Variants in SORL1 observed in about 807,000 individuals in gnomAD.
SORL1 encodes the protein sortilin related receptor 1.
In SORL1, 127 loss-of-function variants were observed where a neutral mutation model predicts 273.7. The observed-to-expected ratio is 0.46, with a 90% CI of 0.40 to 0.54. The LOEUF (loss-of-function observed/expected upper bound fraction) is 0.54. SORL1 is among the 20% of genes least tolerant of loss of function. The probability of loss-of-function intolerance (pLI) is 0.00; values close to 1 mark genes in which losing one functional copy is unlikely to be tolerated. For missense variants in SORL1, 2,494 were observed against 2,846.1 expected (o/e 0.88, Z 2.81); for synonymous variants, 1,031 against 1,067.4 (o/e 0.97, Z 0.66).
At chr11:121,548,545 A>T (rs1265549567) in intron 14 of SORL1, among the ~76,000 whole-genome samples, 1 of 152,156 alleles carries the variant, frequency 6.6e-6, no homozygotes, top group Non-Finnish European at 1.5e-5. Flanking sequence ...GAAATGTTTA[A>T]TGAATATTTG....
intron 16 of SORL1, among the ~76,000 whole-genome samples, chr11:121,551,288 C>T (rs1862504123): frequency 1.3e-5 from 2 of 152,198 alleles, no homozygotes; most frequent in Admixed American, 1.3e-4. Flanking sequence ...CCATGCTCTT[C>T]ATTGGACATT....
intron 11 of SORL1, among the ~76,000 whole-genome samples, chr11:121,526,558 CAT>C (rs1862126903): frequency 6.6e-6 from 1 of 152,232 alleles, no homozygotes; most frequent in East Asian, 1.9e-4. Context: ...GGAGAATCGA[CAT>C]GTTAATACTA....
chr11:121,585,964 G>A (rs1464171703), intron 26 of SORL1, among the ~76,000 whole-genome samples: 2 of 152,212 alleles, frequency 1.3e-5, no homozygotes, highest in Non-Finnish European at 2.9e-5. Context: ...AAACAGTGTT[G>A]TAATGCAACC....
intron 3 of SORL1, among the ~76,000 whole-genome samples, chr11:121,483,257 T>C (rs1338146656): frequency 1.3e-5 from 2 of 152,162 alleles, no homozygotes; most frequent in Non-Finnish European, 2.9e-5. Flanking sequence ...CTGGGGCTTT[T>C]TAAAAAAGGA....
intron 8 of SORL1, among the ~76,000 whole-genome samples, chr11:121,518,717 G>A (rs748817056): frequency 3.9e-5 from 6 of 152,122 alleles, no homozygotes; most frequent in Non-Finnish European, 7.4e-5. Flanking sequence ...CATTTCATTC[G>A]GCACTCTGCT....
At chr11:121,625,941 C>T (rs191725990) in intron 46 of SORL1, among the ~76,000 whole-genome samples, 1 of 152,258 alleles carries the variant, frequency 6.6e-6, no homozygotes, top group East Asian at 1.9e-4. Flanking sequence ...AAGCCAAAAT[C>T]TTGTGTTAGA....
chr11:121,496,866 C>A lies in SORL1; in HGVS notation c.759-3C>A. On this transcript the variant is annotated splice_polypyrimidine_tract_variant and splice_region_variant and intron_variant, in intron 5 of 47. Coordinates refer to ENST00000260197, the MANE Select transcript of SORL1 (RefSeq NM_003105.6). The stretch of plus-strand genomic sequence containing the variant: ...TAACAACCTTTTTTTTTTTTTCTGC[C>A]AGGGGAATTGATCCCTATGACAAAC... 1.3e-6 allele frequency: 2 copies of A among 1,566,728 alleles called. No homozygotes were observed. Among genetic ancestry groups the A allele is most frequent in the South Asian group, 1.2e-5 (1 of 84,430 alleles).
intron 4 of SORL1, 103 bp downstream of exon 4, chr11:121,488,296 C>A: frequency 8.8e-7 from 1 of 1,136,716 alleles, no homozygotes; most frequent in Non-Finnish European, 1.3e-6. Context: ...CTGCCTCTCC[C>A]TCCTTCTCTC....
intron 25 of SORL1, among the ~76,000 whole-genome samples, chr11:121,578,260 G>GT (rs1862966118): frequency 6.6e-6 from 1 of 152,180 alleles, no homozygotes; most frequent in East Asian, 1.9e-4. Context: ...GGACAGATCT[G>GT]TTTTTACACT....
intron 43 of SORL1, 110 bp downstream of exon 43, chr11:121,620,027 G>C (rs1565357268): frequency 1.2e-6 from 1 of 848,696 alleles, no homozygotes; most frequent in East Asian, 2.5e-5. Flanking sequence ...CTGGTTTCTG[G>C]CGCTCAGCAG....
At chr11:121,577,830 A>G (rs1862958861) in intron 25 of SORL1, among the ~76,000 whole-genome samples, 1 of 152,234 alleles carries the variant, frequency 6.6e-6, no homozygotes, top group African/African-American at 2.4e-5. Flanking sequence ...TTTTATTAAA[A>G]GTAAAGATGG....
intron 18 of SORL1, 42 bp from the exon 19 acceptor site, chr11:121,557,272 G>A: frequency 7.0e-7 from 1 of 1,427,532 alleles, no homozygotes; most frequent in Non-Finnish European, 9.9e-7. Context: ...TCTTTAAGGA[G>A]CTCCGATCCA....
chr11:121,485,360 A>G (rs1448028250), intron 3 of SORL1, among the ~76,000 whole-genome samples: 1 of 152,200 alleles, frequency 6.6e-6, no homozygotes, highest in Non-Finnish European at 1.5e-5. Flanking sequence ...AGATGTGAAC[A>G]TGTGAACCAG....
At chr11:121,495,172 T>A (rs1312761105) in intron 5 of SORL1, among the ~76,000 whole-genome samples, 2 of 152,148 alleles carry the variant, frequency 1.3e-5, no homozygotes, top group Non-Finnish European at 2.9e-5. Flanking sequence ...AGCCTCAAAC[T>A]TCCAGGCTTC....
intron 32 of SORL1, among the ~76,000 whole-genome samples, chr11:121,598,606 G>A (rs747912736): frequency 9.9e-5 from 15 of 152,194 alleles, no homozygotes; most frequent in Non-Finnish European, 2.1e-4. Context: ...ATCTTCGCTT[G>A]CCTGTTGCAA....
chr11:121,618,821 C>T lies in SORL1; in HGVS notation c.5652C>T (p.Asn1884=). ...CGTCCTTTCTTGACCTCTATCGCAA[C>T]CCGAAGAGCTTGACTACTTCACTCC... ...YATSFLDLYR[N]PKSLTTSLHN... The change falls in exon 42 of 48, where the codon AAC becomes AAT. Residue 1884 remains asparagine (N), a synonymous_variant. Coordinates refer to ENST00000260197, the MANE Select transcript of SORL1 (RefSeq NM_003105.6). 6.2e-7 allele frequency: 1 copy of T among 1,614,076 alleles called. No homozygotes were observed. The highest frequency in any genetic ancestry group is 1.3e-5 in the African/African-American group (1 of 75,030).
chr11:121,452,972 G>A lies in SORL1; in HGVS notation c.285+356G>A. On this transcript the variant is annotated intron_variant, in intron 1 of 47. Transcript: ENST00000260197. The surrounding 1 kb of genome is among the most constrained non-coding windows in gnomAD (Gnocchi z 5.3). ...AGTGTATCATCAGTTGGCAGTGGAG[G>A]CGAGCACCCTGCAGTTGCGGTACAC... The A allele has an allele frequency of 4.7e-6, 1 of 214,394 alleles. No homozygotes were observed. 13.3% of individuals were successfully genotyped at this position (214,394 alleles called of 1,614,324 possible).
At chr11:121,561,186 G>A (rs901568229) in intron 21 of SORL1, among the ~76,000 whole-genome samples, 1 of 152,214 alleles carries the variant, frequency 6.6e-6, no homozygotes, top group Non-Finnish European at 1.5e-5. Flanking sequence ...GCATGTGCTT[G>A]TTTGATTTGC....
intron 4 of SORL1, among the ~76,000 whole-genome samples, chr11:121,489,544 TG>T (rs1480171172): frequency 1.3e-5 from 2 of 152,244 alleles, no homozygotes; most frequent in Non-Finnish European, 2.9e-5. Flanking sequence ...TATTGTAGCA[TG>T]TGTCAATTTT....
Sources: allele counts gnomAD v4.1 joint callset (sites outside exome capture counted in the v4.1 genomes callset), GRCh38; gene constraint gnomAD v4.1.1; non-coding constraint Gnocchi (gnomAD v3.1); transcripts MANE v1.5; gene names NCBI Gene and HGNC (gene_info 2026-07-23, HGNC 2026-07-21).